FBLN2: variants seen among roughly 807,000 people sequenced by gnomAD.
The protein encoded by FBLN2 is fibulin 2.
Under a neutral mutation model 123.7 loss-of-function variants are expected in FBLN2, and 81 were observed. The observed-to-expected ratio is 0.65, with a 90% CI of 0.55 to 0.79. The LOEUF (loss-of-function observed/expected upper bound fraction) is 0.79, where lower values mean the gene tolerates loss of function less well. FBLN2 is among the 30% of genes least tolerant of loss of function. FBLN2 has a pLI of 0.00. For missense variants in FBLN2, 1,603 were observed against 1,681.3 expected (o/e 0.95, Z 0.81); for synonymous variants, 699 against 701.4 (o/e 1.00, Z 0.05).
intron 16 of FBLN2, among the ~76,000 whole-genome samples, chr3:13,632,217 C>G (rs762913587): frequency 6.6e-6 from 1 of 152,226 alleles, no homozygotes; most frequent in Admixed American, 6.5e-5. Flanking sequence ...GGTCATTGCC[C>G]CAGGAGAACC....
At chr3:13,591,528 TC>T (rs1261428729) in intron 2 of FBLN2, among the ~76,000 whole-genome samples, 1 of 152,232 alleles carries the variant, frequency 6.6e-6, no homozygotes, top group Non-Finnish European at 1.5e-5. Flanking sequence ...CCTCAAGTGA[TC>T]CACCTACCTC....
At chr3:13,616,592 C>T (rs546686050) in intron 5 of FBLN2, among the ~76,000 whole-genome samples, 4 of 152,198 alleles carry the variant, frequency 2.6e-5, no homozygotes, top group Non-Finnish European at 5.9e-5. Flanking sequence ...CCATATGAAA[C>T]ACGTTCCTCA....
chr3:13,589,934 A>G (rs79584139), intron 2 of FBLN2, among the ~76,000 whole-genome samples: 13 of 152,334 alleles, frequency 8.5e-5, no homozygotes, highest in Admixed American at 7.8e-4. Context: ...CCAGATTAAT[A>G]TAACAGTACT....
In FBLN2 at chr3:13,618,972, T is replaced by C; in HGVS notation, c.2008T>C (p.Ser670Pro). The change falls in exon 7 of 18, where the codon TCT (serine) becomes CCT (proline). Residue 670 changes from serine to proline, a missense_variant. Physicochemically the swap from Ser to Pro is moderately conservative, Grantham distance 74. Transcript: ENST00000404922. ...ALKSEFSQVA[S>P]NTIPLPLPQP... Reference sequence around the variant, plus strand: ...GAAGTCAGAATTTTCCCAGGTGGCCTCTAACACCATCCCGCTGCCACTGCC... The same window carrying C: ...GAAGTCAGAATTTTCCCAGGTGGCCCCTAACACCATCCCGCTGCCACTGCC... 6.2e-7 allele frequency: 1 copy of C among 1,613,044 alleles called. No homozygotes were observed. Among genetic ancestry groups the C allele is most frequent in the Non-Finnish European group, 8.5e-7 (1 of 1,179,648 alleles).
Position 13,619,609 on chromosome 3 carries a change from T to G in FBLN2, c.2054-121T>G, listed in dbSNP as rs1321417441. 5.3e-6 allele frequency: 4 copies of G among 755,568 alleles called. No homozygotes were observed. In the African/African-American group the frequency reaches 7.2e-5, roughly 14 times the overall value. The allele number at this position is 755,568 out of a possible 1,614,324, so 46.8% of individuals were successfully genotyped here. A position where few individuals can be genotyped will look rare whatever the true frequency, so the allele number is the denominator to read the frequency against. ...GGCGTTCCTTGTCTCCCAGCATCCC[T>G]GCCTTCTAGGGGCCTTGTTTCTGTG... On this transcript the variant is annotated intron_variant, in intron 7 of 17. Coordinates refer to ENST00000404922, the MANE Select transcript of FBLN2 (RefSeq NM_001004019.2).
chr3:13,636,341 C>G (rs1315485316), intron 16 of FBLN2, 104 bp from the exon 17 acceptor site: 3 of 1,425,452 alleles, frequency 2.1e-6, no homozygotes, highest in Non-Finnish European at 2.8e-6. Context: ...GCTATTCTCA[C>G]AGGTCCGGCT....
rs143770518 is a variant in FBLN2 at position 13,603,236 on chromosome 3, G to GT, written c.1307-4813dup. 8.3e-4 allele frequency among the ~76,000 whole-genome samples: 117 copies of GT among 141,418 alleles called. 2 individuals are homozygous for GT. The highest frequency in any genetic ancestry group is 9.0e-4 in the South Asian group (4 of 4,468). The allele number at this position is 141,418 out of a possible 152,430, so 92.8% of individuals were successfully genotyped here. On this transcript the variant is annotated intron_variant, in intron 2 of 17. Coordinates refer to ENST00000404922, the MANE Select transcript of FBLN2 (RefSeq NM_001004019.2). ...TCCTTTTTTCTTTCTTTTTTTTTAA[G>GT]TTTTTTTTTTTTTAATTATACTTTA...
intron 2 of FBLN2, among the ~76,000 whole-genome samples, chr3:13,590,594 G>C (rs1162538924): frequency 6.6e-6 from 1 of 152,196 alleles, no homozygotes; most frequent in Non-Finnish European, 1.5e-5. Context: ...CCAAAATGCT[G>C]GGATTACAGG....
intron 2 of FBLN2, among the ~76,000 whole-genome samples, chr3:13,599,299 TAG>T (rs1158953471): frequency 6.6e-6 from 1 of 152,078 alleles, no homozygotes; most frequent in Admixed American, 6.5e-5. Flanking sequence ...GCCTGTCCCA[TAG>T]AGAGTGGGGG....
At chr3:13,576,279 GC>G (rs1704143432) in intron 2 of FBLN2, among the ~76,000 whole-genome samples, 1 of 152,212 alleles carries the variant, frequency 6.6e-6, no homozygotes, top group African/African-American at 2.4e-5. Flanking sequence ...ACACTGCAGA[GC>G]CCCTCATGCC....
At chr3:13,551,547 C>A (rs184677393) in intron 1 of FBLN2, among the ~76,000 whole-genome samples, 2 of 152,328 alleles carry the variant, frequency 1.3e-5, no homozygotes, top group Admixed American at 1.3e-4. Flanking sequence ...AGCCCAGGAT[C>A]TTTTCCCTCC....
chr3:13,632,895 G>A (rs74641063), intron 16 of FBLN2, among the ~76,000 whole-genome samples: 9,647 of 152,078 alleles, frequency 0.063, 484 homozygotes, highest in African/African-American at 0.13. Flanking sequence ...TCTATTCACC[G>A]TGTGCTCAGC....
chr3:13,574,656 C>A (rs544359611), intron 2 of FBLN2, among the ~76,000 whole-genome samples: 1 of 152,276 alleles, frequency 6.6e-6, no homozygotes, highest in African/African-American at 2.4e-5. Context: ...GGCAACGCGG[C>A]TGGAGGGGTC....
At chr3:13,580,213 G>A (rs1704278546) in intron 2 of FBLN2, among the ~76,000 whole-genome samples, 1 of 152,184 alleles carries the variant, frequency 6.6e-6, no homozygotes, top group Non-Finnish European at 1.5e-5. Flanking sequence ...TTTCAGTTGA[G>A]AGGTGCTGGC....
chr3:13,574,968 ACT>A (rs1409775454), intron 2 of FBLN2, among the ~76,000 whole-genome samples: 1 of 151,744 alleles, frequency 6.6e-6, no homozygotes, highest in Non-Finnish European at 1.5e-5. Flanking sequence ...CCCCCATTAG[ACT>A]CTAAACGAGG....
At chr3:13,607,213 C>G (rs148842242) in intron 2 of FBLN2, among the ~76,000 whole-genome samples, 2,232 of 151,436 alleles carry the variant, frequency 0.015, 57 homozygotes, top group African/African-American at 0.05. Context: ...GTCTTGAACT[C>G]CTGACCTCGT....
intron 5 of FBLN2, 128 bp from the exon 6 acceptor site, chr3:13,617,948 C>G (rs1705692966): frequency 1.4e-6 from 1 of 722,894 alleles, no homozygotes; most frequent in Non-Finnish European, 2.3e-6. Context: ...CCTGCTTCAT[C>G]CATCCTTGCT....
intron 2 of FBLN2, among the ~76,000 whole-genome samples, chr3:13,595,514 A>G (rs1042037890): frequency 1.3e-5 from 2 of 152,122 alleles, no homozygotes; most frequent in Non-Finnish European, 2.9e-5. Flanking sequence ...ACCTTCAGGT[A>G]ACCCTCCCAC....
chr3:13,621,770 A>C lies in FBLN2; in HGVS notation c.2156-5A>C. On this transcript the variant is annotated splice_polypyrimidine_tract_variant and splice_region_variant and intron_variant, in intron 8 of 17. Coordinates refer to ENST00000404922, the MANE Select transcript of FBLN2 (RefSeq NM_001004019.2). ...TTCTGTTTTTCCTCCTGCGGCTGCC[A>C]CTAGACCAAGACGAGTGCCTGATGG... The C allele has an allele frequency of 3.7e-6, 6 of 1,613,830 alleles. No individual in the cohort carries two copies. Among genetic ancestry groups the C allele is most frequent in the Non-Finnish European group, 5.1e-6 (6 of 1,179,804 alleles).
Sources: allele counts gnomAD v4.1 joint callset (sites outside exome capture counted in the v4.1 genomes callset), GRCh38; gene constraint gnomAD v4.1.1; transcripts MANE v1.5; gene names NCBI Gene and HGNC (gene_info 2026-07-23, HGNC 2026-07-21).